The following NGEF variants were observed in gnomAD, a reference collection of about 807,000 sequenced individuals.
The protein encoded by NGEF is ephexin-1.
A neutral mutation model predicts 80.9 loss-of-function variants in NGEF; 31 were observed. The observed-to-expected ratio is 0.38, with a 90% CI of 0.29 to 0.52. NGEF has a LOEUF of 0.52. Among genes scored for constraint, NGEF ranks in the 20% least tolerant of loss-of-function variants. NGEF has a pLI of 0.84. For synonymous variants in NGEF, 371 were observed against 370.2 expected (o/e 1.00, Z -0.03); for missense variants, 709 against 926.2 (o/e 0.77, Z 3.04).
At chr2:232,940,292 A>G (rs2106296111) in intron 3 of NGEF, among the ~76,000 whole-genome samples, 1 of 152,390 alleles carries the variant, frequency 6.6e-6, no homozygotes, top group Middle Eastern at 3.4e-3. Context: ...TCAAAAGCAT[A>G]TCAGAAACAC....
At chr2:232,977,161 CAG>C (rs374272424) in intron 1 of NGEF, among the ~76,000 whole-genome samples, 6 of 150,458 alleles carry the variant, frequency 4.0e-5, no homozygotes, top group Admixed American at 6.6e-5. Context: ...AGCAAGAGGA[CAG>C]AGAGAGAGAG....
chr2:232,980,243 A>T (rs1233584256), intron 1 of NGEF, among the ~76,000 whole-genome samples: 1 of 152,154 alleles, frequency 6.6e-6, no homozygotes, highest in Non-Finnish European at 1.5e-5. Context: ...TGTGTGAATC[A>T]GTGTCCTGGG....
intron 5 of NGEF, chr2:232,905,657 G>A (rs778311994): frequency 2.2e-5 from 8 of 369,524 alleles, no homozygotes; most frequent in South Asian, 5.5e-5. Context: ...GGGAAGTGAG[G>A]AGCGCCTCTT....
At chr2:232,998,398 G>A (rs1208101880) in intron 1 of NGEF, among the ~76,000 whole-genome samples, 2 of 152,156 alleles carry the variant, frequency 1.3e-5, no homozygotes, top group Non-Finnish European at 2.9e-5. Context: ...GACTGCCTGC[G>A]AGGTGGAGCA....
In NGEF at chr2:232,879,534, G is replaced by A; in HGVS notation, c.2088C>T (p.Ser696=). 6.2e-7 allele frequency: 1 copy of A among 1,613,538 alleles called. No individual in the cohort carries two copies. Among genetic ancestry groups the A allele is most frequent in the Non-Finnish European group, 8.5e-7 (1 of 1,179,714 alleles). ...RVHKMDDPQR[S]QNKDRRKLGS... The stretch of plus-strand genomic sequence containing the variant: ...CCAGCTTCCTGCGGTCCTTGTTCTG[G>A]CTGCGCTGAGGGTCATCCATCTTGT... The change falls in exon 15 of 15, where the codon AGC becomes AGT. Residue 696 remains serine, a synonymous_variant. Transcript: ENST00000264051.
chr2:232,944,724 C>T (rs1361113746), intron 3 of NGEF, among the ~76,000 whole-genome samples: 4 of 78,250 alleles, frequency 5.1e-5, no homozygotes, highest in African/African-American at 1.0e-4. Flanking sequence ...AAGACTTTTC[C>T]GAATATATAT....
At chr2:232,991,988 C>T (rs570069311) in intron 1 of NGEF, among the ~76,000 whole-genome samples, 168 of 152,210 alleles carry the variant, frequency 1.1e-3, no homozygotes, top group African/African-American at 3.8e-3. Flanking sequence ...GGATAGTTGC[C>T]TTCAACAAAT....
intron 1 of NGEF, among the ~76,000 whole-genome samples, chr2:233,004,169 C>T (rs1695039392): frequency 6.6e-6 from 1 of 152,144 alleles, no homozygotes. Context: ...ACCCAAGGTC[C>T]TTGAGAAAGC....
At chr2:232,882,887 G>A (rs1357122180) in intron 12 of NGEF, among the ~76,000 whole-genome samples, 1 of 152,158 alleles carries the variant, frequency 6.6e-6, no homozygotes, top group East Asian at 1.9e-4. Flanking sequence ...GGGCTGCAGG[G>A]CAGGGGTCCC....
intron 3 of NGEF, among the ~76,000 whole-genome samples, chr2:232,936,498 T>G (rs745837360): frequency 6.6e-6 from 1 of 152,176 alleles, no homozygotes; most frequent in Non-Finnish European, 1.5e-5. Flanking sequence ...CTCTGGGTCA[T>G]GTAGTATCAG....
intron 1 of NGEF, among the ~76,000 whole-genome samples, chr2:233,005,800 G>A (rs758453643): frequency 3.9e-5 from 6 of 152,026 alleles, no homozygotes; most frequent in Non-Finnish European, 8.8e-5. Flanking sequence ...TGTAAGATTT[G>A]CATTGTTTTT....
intron 3 of NGEF, among the ~76,000 whole-genome samples, chr2:232,933,024 G>A (rs1363264728): frequency 1.3e-5 from 2 of 151,912 alleles, no homozygotes; most frequent in African/African-American, 4.8e-5. Context: ...CAGGAGAATC[G>A]CTTGAACCCA....
intron 11 of NGEF, 152 bp downstream of exon 11, chr2:232,883,829 C>A: frequency 1.2e-6 from 1 of 808,428 alleles, no homozygotes; most frequent in South Asian, 2.2e-5. Flanking sequence ...GCTAAAGGCC[C>A]AAAGCTGGGC....
rs1474839314 is a variant in NGEF, at chr2:232,894,921, A to G, written c.829-5T>C. On this transcript the variant is annotated splice_region_variant and splice_polypyrimidine_tract_variant and intron_variant, in intron 5 of 14. Coordinates refer to ENST00000264051, the MANE Select transcript of NGEF (RefSeq NM_019850.3). ...AGTGACCAGCTCGAACATGGCCTGT[A>G]GCAGGGAGACCCCATGGTTACCGCC... 1.3e-6 allele frequency: 2 copies of G among 1,571,762 alleles called. No homozygotes were observed. Among genetic ancestry groups the G allele is most frequent in the East Asian group, 2.3e-5 (1 of 43,994 alleles).
Position 232,892,865 on chromosome 2 carries a change from C to T in NGEF, c.1142+33G>A. 2 of 1,605,694 alleles carry T rather than the reference C, an allele frequency of 1.2e-6. No individual in the cohort carries two copies. The highest frequency in any genetic ancestry group is 1.7e-6 in the Non-Finnish European group (2 of 1,174,818). On this transcript the variant is annotated intron_variant, in intron 7 of 14. Coordinates refer to ENST00000264051, the MANE Select transcript of NGEF (RefSeq NM_019850.3). This position sits in a 1 kb window ranked among gnomAD's most constrained non-coding sequence, Gnocchi z 4.0. ...GGTATGGCTGCCCCGGGCACCTCCCCCTGCCCCTGAGCCCCTTGCCGGATA... is the reference window on the plus strand; with the variant it reads ...GGTATGGCTGCCCCGGGCACCTCCCTCTGCCCCTGAGCCCCTTGCCGGATA...
chr2:232,998,561 G>A (rs1460117254), intron 1 of NGEF, among the ~76,000 whole-genome samples: 3 of 152,118 alleles, frequency 2.0e-5, no homozygotes. Context: ...TCATGCCATA[G>A]GGGGGCTACA....
chr2:232,932,869 T>C (rs1271785191), intron 3 of NGEF, among the ~76,000 whole-genome samples: 19 of 151,942 alleles, frequency 1.3e-4, no homozygotes, highest in Admixed American at 9.2e-4. Flanking sequence ...TTTGAAAGGC[T>C]GAGTCGGGTG....
chr2:232,949,777 T>A (rs1248309509), intron 3 of NGEF, among the ~76,000 whole-genome samples: 1 of 144,984 alleles, frequency 6.9e-6, no homozygotes, highest in Non-Finnish European at 1.5e-5. Context: ...TGCGCCTGGC[T>A]CTCTGCACTC....
intron 1 of NGEF, among the ~76,000 whole-genome samples, chr2:233,009,632 C>T (rs1413238306): frequency 8.0e-6 from 1 of 125,382 alleles, no homozygotes; most frequent in African/African-American, 3.0e-5. Context: ...GAACCCATCT[C>T]TACAGAAAAA....
Sources: allele counts gnomAD v4.1 joint callset (sites outside exome capture counted in the v4.1 genomes callset), GRCh38; gene constraint gnomAD v4.1.1; non-coding constraint Gnocchi (gnomAD v3.1); transcripts MANE v1.5; gene names NCBI Gene and HGNC (gene_info 2026-07-23, HGNC 2026-07-21).